The following RBM5 variants were observed in gnomAD, a reference collection of about 807,000 sequenced individuals.
The protein encoded by RBM5 is RNA-binding protein 5.
Under a neutral mutation model 124.6 loss-of-function variants are expected in RBM5, and 15 were observed. The observed-to-expected ratio is 0.12, with a 90% CI of 0.08 to 0.19. RBM5 has a LOEUF of 0.19. RBM5 is among the 10% of genes least tolerant of loss of function. The pLI, the probability that RBM5 is intolerant of heterozygous loss-of-function variation, is 1.00. For missense variants in RBM5, 580 were observed against 1,026.5 expected (o/e 0.57, Z 5.94); for synonymous variants, 337 against 361.2 (o/e 0.93, Z 0.76).
At chr3:50,110,175 C>T (rs2091116980) in intron 15 of RBM5, among the ~76,000 whole-genome samples, 1 of 152,174 alleles carries the variant, frequency 6.6e-6, no homozygotes, top group Admixed American at 6.5e-5. Flanking sequence ...TGCGCCACTG[C>T]AGTCCAGTTT....
chr3:50,118,322 C>T lies in RBM5; in HGVS notation c.2323-9C>T. ...TACCTCCCAGCTGACAGTCTCTGTGCTTTCCCAGGCTCAAGTTCGGCTAAA... is the reference window on the plus strand; with the variant it reads ...TACCTCCCAGCTGACAGTCTCTGTGTTTTCCCAGGCTCAAGTTCGGCTAAA... On this transcript the variant is annotated splice_polypyrimidine_tract_variant and intron_variant, in intron 24 of 24. Transcript: ENST00000347869. The T allele has an allele frequency of 1.2e-6, 2 of 1,614,080 alleles. No homozygotes were observed. The highest frequency in any genetic ancestry group is 1.7e-6 in the Non-Finnish European group (2 of 1,179,962).
In RBM5 at chr3:50,118,647, C is replaced by T. The variant is rs982388691; in HGVS notation, c.*191C>T. 1.7e-4 allele frequency: 144 copies of T among 841,346 alleles called. No individual in the cohort carries two copies. Among genetic ancestry groups the T allele is most frequent in the Non-Finnish European group, 2.4e-5 (13 of 553,060 alleles). 52.1% of individuals were successfully genotyped at this position (841,346 alleles called of 1,614,324 possible). A position where few individuals can be genotyped will look rare whatever the true frequency, so the allele number is the denominator to read the frequency against. On this transcript the variant is annotated 3_prime_UTR_variant, in exon 25 of 25. Coordinates refer to ENST00000347869, the MANE Select transcript of RBM5 (RefSeq NM_005778.4). ...TTATGTGGGTTGCCTGGTGAATGGC[C>T]TTCCTTCCCGCCAGAGGGCTTGTGA... is the stretch of plus-strand genomic sequence containing the variant.
chr3:50,104,209 A>G, intron 7 of RBM5, 39 bp from the exon 8 acceptor site: 1 of 1,565,682 alleles, frequency 6.4e-7, no homozygotes, highest in South Asian at 1.1e-5. Flanking sequence ...AGCCTGGCCT[A>G]ATGTGAGAAA....
chr3:50,113,573 T>C (rs1347626738), intron 18 of RBM5, 29 bp downstream of exon 18: 1 of 1,591,986 alleles, frequency 6.3e-7, no homozygotes, highest in Non-Finnish European at 8.6e-7. Context: ...TTTCTTTCAT[T>C]GAGGTATTGG....
intron 6 of RBM5, chr3:50,101,670 G>C (rs1283208480): frequency 6.6e-6 from 1 of 152,202 alleles, no homozygotes; most frequent in Non-Finnish European, 1.5e-5. Context: ...AGCATTGTTT[G>C]ATGCAGTGGA....
chr3:50,099,904 A>G (rs886828764), intron 4 of RBM5, 78 bp from the exon 5 acceptor site: 49 of 1,290,678 alleles, frequency 3.8e-5, no homozygotes, highest in Non-Finnish European at 5.2e-5. Flanking sequence ...CTAATTAAAC[A>G]GTTGATGTAA....
chr3:50,107,404 G>T, intron 11 of RBM5, 78 bp from the exon 12 acceptor site: 1 of 1,134,344 alleles, frequency 8.8e-7, no homozygotes, highest in South Asian at 1.3e-5. Context: ...AGGGTGGAGT[G>T]AATCAGTTGG....
chr3:50,089,450 G>A (rs1037116759), intron 1 of RBM5, among the ~76,000 whole-genome samples: 3 of 152,216 alleles, frequency 2.0e-5, no homozygotes, highest in Non-Finnish European at 4.4e-5. Flanking sequence ...AACCTCTTGG[G>A]AGGCGGGAGG....
At chr3:50,104,185 T>A in intron 7 of RBM5, 63 bp from the exon 8 acceptor site, 1 of 1,441,910 alleles carries the variant, frequency 6.9e-7, no homozygotes, top group African/African-American at 1.4e-5. Flanking sequence ...GCCCCACTGT[T>A]ATTGTTACTA....
Position 50,100,442 on chromosome 3 carries a change from G to A in RBM5, c.410-90G>A. ...GCTGCTTCCCAATTGGCTTTGTCACGCAGTGTTGAAGCAGTGGGAGAGAGA... is the reference window on the plus strand; with the variant it reads ...GCTGCTTCCCAATTGGCTTTGTCACACAGTGTTGAAGCAGTGGGAGAGAGA... On this transcript the variant is annotated intron_variant, in intron 5 of 24. Coordinates refer to ENST00000347869, the MANE Select transcript of RBM5 (RefSeq NM_005778.4). This position sits in a 1 kb window ranked among gnomAD's most constrained non-coding sequence, Gnocchi z 5.1. 8 of 1,093,264 alleles carry A rather than the reference G, an allele frequency of 7.3e-6. No homozygotes were observed. The highest frequency in any genetic ancestry group is 3.9e-5 in the Admixed American group (2 of 51,642). The allele number at this position is 1,093,264 out of a possible 1,614,324, so 67.7% of individuals were successfully genotyped here.
chr3:50,098,875 A>G (rs2090879750), intron 4 of RBM5, among the ~76,000 whole-genome samples: 1 of 152,132 alleles, frequency 6.6e-6, no homozygotes, highest in African/African-American at 2.4e-5. Flanking sequence ...CCACTGTACT[A>G]TCCTGCAGAA....
chr3:50,095,682 T>C (rs1392295832), intron 4 of RBM5, among the ~76,000 whole-genome samples: 1 of 151,966 alleles, frequency 6.6e-6, no homozygotes, highest in Non-Finnish European at 1.5e-5. Context: ...ATTCTCTTCC[T>C]AAGGCACTGT....
chr3:50,109,368 C>T (rs2091101089), intron 14 of RBM5, among the ~76,000 whole-genome samples: 1 of 152,140 alleles, frequency 6.6e-6, no homozygotes, highest in African/African-American at 2.4e-5. Flanking sequence ...CCACTGCACC[C>T]GGCCTCTTCT....
At position 50,109,684 on chromosome 3, in the gene RBM5, C is replaced by T; in HGVS notation, c.1274C>T (p.Ser425Phe). ...AATCAAACCTCCAATCCACCTGGCT[C>T]TCCGGTAATCCTGTTGTCCTATATA... is the stretch of plus-strand genomic sequence containing the variant. ...LYNQTSNPPG[S>F]PTEEAQPSTS... Residue 425 changes from serine to phenylalanine, a missense_variant, in exon 15 of 25, where the codon TCT becomes TTT. By Grantham distance (155) the Ser-to-Phe change is radical (BLOSUM62 -2). Transcript: ENST00000347869. The T allele has an allele frequency of 1.2e-6, 2 of 1,612,278 alleles. No homozygotes were observed. The highest frequency in any genetic ancestry group is 1.7e-6 in the Non-Finnish European group (2 of 1,178,286).
At position 50,115,925 on chromosome 3, in the gene RBM5, G is replaced by A. The variant is rs1559698584; in HGVS notation, c.2039G>A (p.Arg680Gln). Reference sequence around the variant, plus strand: ...GTGTAGCAAAACATGGACATCTATCGACGATCCAGGCTGAGCGAGCAGGAG... The same window carrying A: ...GTGTAGCAAAACATGGACATCTATCAACGATCCAGGCTGAGCGAGCAGGAG... ...DLHKQNMDIY[R>Q]RSRLSEQELE... The change falls in exon 22 of 25, where the codon CGA becomes CAA. Residue 680 changes from arginine (R) to glutamine (Q), a missense_variant. Arg to Gln is a conservative substitution (Grantham distance 43). Around this residue, in one of 6 missense-constraint regions of RBM5, gnomAD observed 234 missense variants for 435.1 expected, o/e 0.54. Transcript: ENST00000347869. 1.9e-6 allele frequency: 3 copies of A among 1,613,686 alleles called. No homozygotes were observed. The highest frequency in any genetic ancestry group is 2.5e-6 in the Non-Finnish European group (3 of 1,179,726).
chr3:50,117,776 C>A lies in RBM5; in HGVS notation c.2322+397C>A, dbSNP rs201574241. 51 of 148,832 alleles carry A rather than the reference C, an allele frequency of 3.4e-4. No homozygotes were observed. Among genetic ancestry groups the A allele is most frequent in the Admixed American group, 5.2e-4 (8 of 15,304 alleles). The allele number at this position is 148,832 out of a possible 1,614,324, so 9.2% of individuals were successfully genotyped here. A position where few individuals can be genotyped will look rare whatever the true frequency, so the allele number is the denominator to read the frequency against. ...AGCCTGGGCAACAGCGACTCTGTCT[C>A]AAAAAAAAAAAAAATTTAGTAGGGT... On this transcript the variant is annotated intron_variant, in intron 24 of 24. Coordinates refer to ENST00000347869, the MANE Select transcript of RBM5 (RefSeq NM_005778.4). This position sits in a 1 kb window ranked among gnomAD's most constrained non-coding sequence, Gnocchi z 4.2.
At chr3:50,089,521 A>G (rs2090663687) in intron 1 of RBM5, among the ~76,000 whole-genome samples, 1 of 152,224 alleles carries the variant, frequency 6.6e-6, no homozygotes, top group Non-Finnish European at 1.5e-5. Flanking sequence ...TGACGCCGCC[A>G]TCTCGGCCGC....
intron 12 of RBM5, among the ~76,000 whole-genome samples, 170 bp from the exon 13 acceptor site, chr3:50,107,900 G>C (rs557036070): frequency 1.3e-5 from 2 of 151,700 alleles, no homozygotes; most frequent in African/African-American, 4.8e-5. Context: ...TGGCCAGGCT[G>C]GTCTTGAACT....
Position 50,109,621 on chromosome 3 carries a change from C to A in RBM5, c.1211C>A (p.Thr404Asn). The A allele has an allele frequency of 6.2e-7, 1 of 1,614,118 alleles. No individual in the cohort carries two copies. Among genetic ancestry groups the A allele is most frequent in the Non-Finnish European group, 8.5e-7 (1 of 1,179,964 alleles). ...SSASGTAVTT[T>N]SAAVVSQSPQ... ...TCATCAGGCACAGCAGTGACCACCA[C>A]CTCAGCGGCTGTAGTGTCCCAGAGT... Residue 404 changes from threonine (T) to asparagine (N), a missense_variant, in exon 15 of 25, where the codon ACC becomes AAC. By Grantham distance (65) the Thr-to-Asn change is moderately conservative (BLOSUM62 0). Around this residue, in one of 6 missense-constraint regions of RBM5, gnomAD observed 104 missense variants for 128.7 expected, o/e 0.81. Transcript: ENST00000347869.
Sources: gnomAD v4.1 joint callset for allele counts (sites outside exome capture counted in the v4.1 genomes callset) on GRCh38, gnomAD v4.1.1 for gene constraint, gnomAD v4.1.1 regional missense constraint, Gnocchi (gnomAD v3.1) non-coding constraint, MANE v1.5 for transcripts, NCBI Gene and HGNC (gene_info 2026-07-23, HGNC 2026-07-21) for gene names.